Variants in SPP1 observed in about 807,000 individuals in gnomAD.
SPP1 encodes the protein osteopontin.
A neutral mutation model predicts 20.8 loss-of-function variants in SPP1; 18 were observed. The observed-to-expected ratio is 0.87, with a 90% CI of 0.60 to 1.29. The LOEUF (loss-of-function observed/expected upper bound fraction) is 1.29. SPP1 is among the 50% of genes most tolerant of loss of function. SPP1 has a pLI of 0.00. For synonymous variants in SPP1, 146 were observed against 141.5 expected, an observed-to-expected ratio of 1.03 and a Z score of -0.23; for missense variants, 363 against 389.0, an observed-to-expected ratio of 0.93 and a Z score of 0.56.
intron 1 of SPP1, among the ~76,000 whole-genome samples, chr4:87,976,673 C>T (rs1341701487): frequency 6.6e-6 from 1 of 151,960 alleles, no homozygotes; most frequent in Admixed American, 6.6e-5. Flanking sequence ...CTTTCCCTTG[C>T]CTAATAGTGA....
Position 87,982,479 on chromosome 4 carries a change from T to A in SPP1, c.541-13T>A, listed in dbSNP as rs1383279586. On this transcript the variant is annotated splice_polypyrimidine_tract_variant and intron_variant, in intron 6 of 6. Coordinates refer to ENST00000395080, the MANE Select transcript of SPP1 (RefSeq NM_001040058.2). Reference sequence around the variant, plus strand: ...CGTTCATATAATTATTCTTCATTTGTGCCGTGATTCAGTACCCTGATGCTA... The same window carrying A: ...CGTTCATATAATTATTCTTCATTTGAGCCGTGATTCAGTACCCTGATGCTA... The A allele has an allele frequency of 6.2e-7, 1 of 1,607,288 alleles. No individual in the cohort carries two copies. Among genetic ancestry groups the A allele is most frequent in the Non-Finnish European group, 8.5e-7 (1 of 1,175,224 alleles).
At position 87,982,757 on chromosome 4, in the gene SPP1, T is replaced by TCAGCCGTGAATTCCA. The variant is rs1725713349; in HGVS notation, c.812_826dup (p.Arg271_Ser275dup). The TCAGCCGTGAATTCCA allele has an allele frequency of 2.5e-6, 4 of 1,614,046 alleles. No homozygotes were observed. The highest frequency in any genetic ancestry group is 3.4e-6 in the Non-Finnish European group (4 of 1,180,042). ...ATTGATAGTCAGGAACTTTCCAAAG[T>TCAGCCGTGAATTCCA]CAGCCGTGAATTCCACAGCCATGAA... is the stretch of plus-strand genomic sequence containing the variant. On this transcript the variant is annotated inframe_insertion, in exon 7 of 7. Transcript: ENST00000395080.
rs761046284 is a variant in SPP1 at position 87,982,631 on chromosome 4, C to T, written c.680C>T (p.Thr227Met). 28 of 1,614,082 alleles carry T rather than the reference C, an allele frequency of 1.7e-5. No individual in the cohort carries two copies. In the Admixed American group the frequency reaches 3.2e-4, roughly 18 times the overall value. Reference protein sequence around the residue: ...WDSRGKDSYETSQLDDQSAET... With the variant: ...WDSRGKDSYEMSQLDDQSAET... Reference sequence around the variant, plus strand: ...AGCCGTGGGAAGGACAGTTATGAAACGAGTCAGCTGGATGACCAGAGTGCT... The same window carrying T: ...AGCCGTGGGAAGGACAGTTATGAAATGAGTCAGCTGGATGACCAGAGTGCT... Residue 227 changes from threonine to methionine, a missense_variant, in exon 7 of 7, where the codon ACG (threonine) becomes ATG (methionine). Transcript: ENST00000395080.
rs905785159 is a variant in SPP1 at position 87,979,110 on chromosome 4, T to G, written c.94-936T>G. 5.3e-5 allele frequency among the ~76,000 whole-genome samples: 8 copies of G among 152,236 alleles called. 1 individual carries two copies. The South Asian group carries it at 1.5e-3, about 28-fold the overall frequency. ...TGGCTGATAAGATACATATGGCTAT[T>G]GAGCACTCAAAATGTGGGCTAGTGC... is the stretch of plus-strand genomic sequence containing the variant. On this transcript the variant is annotated intron_variant, in intron 3 of 6. Transcript: ENST00000395080.
intron 3 of SPP1, among the ~76,000 whole-genome samples, 183 bp from the exon 4 acceptor site, chr4:87,979,863 C>A (rs1278625103): frequency 1.3e-5 from 2 of 151,672 alleles, no homozygotes; most frequent in African/African-American, 2.4e-5. Flanking sequence ...GAGTGCCTAG[C>A]CCACAGTAAG....
At chr4:87,975,918 C>T (rs556655766) in intron 1 of SPP1, 118 bp downstream of exon 1, 10 of 151,304 alleles carry the variant, frequency 6.6e-5, no homozygotes, top group African/African-American at 2.4e-4. Flanking sequence ...ATTTTCTAGC[C>T]TTTTTAATAA....
chr4:87,977,683 T>C, intron 3 of SPP1: 1 of 1,251,156 alleles, frequency 8.0e-7, no homozygotes, highest in Non-Finnish European at 1.0e-6. Context: ...TACCTACCCC[T>C]CCACAACAGA....
intron 3 of SPP1, among the ~76,000 whole-genome samples, chr4:87,979,022 C>T (rs917299720): frequency 1.3e-5 from 2 of 152,128 alleles, no homozygotes; most frequent in African/African-American, 2.4e-5. Flanking sequence ...ATTTCATTTA[C>T]ATCTTTGGCA....
chr4:87,981,883 C>T, intron 6 of SPP1, 85 bp downstream of exon 6: 2 of 1,142,762 alleles, frequency 1.8e-6, no homozygotes, highest in South Asian at 3.0e-5. Flanking sequence ...TTCATTCATT[C>T]ATCCATTCAT....
At chr4:87,979,945 T>G (rs1578102338) in intron 3 of SPP1, 101 bp from the exon 4 acceptor site, 3 of 1,149,922 alleles carry the variant, frequency 2.6e-6, no homozygotes, top group South Asian at 1.5e-5. Flanking sequence ...AGGGTCCGGG[T>G]GACTATATGC....
intron 3 of SPP1, chr4:87,977,791 A>G: frequency 1.6e-6 from 2 of 1,284,962 alleles, no homozygotes; most frequent in Non-Finnish European, 2.0e-6. Flanking sequence ...AATAAAGGCC[A>G]AAATAGAGCT....
Position 87,982,902 on chromosome 4 carries a change from G to A in SPP1, c.*6G>A, listed in dbSNP as rs1338204795. 6.4e-7 allele frequency: 1 copy of A among 1,569,666 alleles called. No individual in the cohort carries two copies. The highest frequency in any genetic ancestry group is 2.0e-5 in the Admixed American group (1 of 51,136). On this transcript the variant is annotated 3_prime_UTR_variant, in exon 7 of 7. Transcript: ENST00000395080. ...CATCTTCTGAGGTCAATTAAAAGGAGAAAAAATACAATTTCTCACTTTGCA... is the reference window on the plus strand; with the variant it reads ...CATCTTCTGAGGTCAATTAAAAGGAAAAAAAATACAATTTCTCACTTTGCA...
At chr4:87,980,924 AT>A (rs1171356942) in intron 5 of SPP1, among the ~76,000 whole-genome samples, 1 of 152,232 alleles carries the variant, frequency 6.6e-6, no homozygotes, top group Admixed American at 6.5e-5. Context: ...ATATTTGTCA[AT>A]TTGAAATTTG....
intron 3 of SPP1, chr4:87,977,877 G>A (rs1426501989): frequency 1.7e-6 from 2 of 1,172,500 alleles, no homozygotes; most frequent in Non-Finnish European, 2.2e-6. Flanking sequence ...TGTGTGTGGA[G>A]GGGTGTGTGT....
chr4:87,977,470 G>T (rs1725427075), intron 3 of SPP1, among the ~76,000 whole-genome samples: 1 of 152,086 alleles, frequency 6.6e-6, no homozygotes. Context: ...AATTCACATT[G>T]GATATTAGTC....
At chr4:87,981,423 A>T (rs1725634876) in intron 5 of SPP1, 52 bp from the exon 6 acceptor site, 2 of 1,511,162 alleles carry the variant, frequency 1.3e-6, no homozygotes, top group African/African-American at 1.4e-5. Context: ...TATAAAGGCT[A>T]AGGGAAAATA....
intron 6 of SPP1, 38 bp from the exon 7 acceptor site, chr4:87,982,454 C>T (rs780173497): frequency 1.8e-5 from 28 of 1,588,446 alleles, no homozygotes; most frequent in Non-Finnish European, 2.2e-5. Flanking sequence ...CATCCCTAGC[C>T]GTTCATATAA....
chr4:87,976,786 TTTTA>T, intron 1 of SPP1, 92 bp from the exon 2 acceptor site: 1 of 771,340 alleles, frequency 1.3e-6, no homozygotes, highest in South Asian at 2.2e-5. Context: ...AGAAAATATA[TTTTA>T]TTTGTGATCA....
At position 87,980,267 on chromosome 4, in the gene SPP1, C is replaced by T. The variant is rs1725588312; in HGVS notation, c.175-126C>T. ...TGACTGATCTGCCATGTTGGCTTCT[C>T]TCTGTGTTAAGCCATCCACAGATGA... On this transcript the variant is annotated intron_variant, in intron 4 of 6. Coordinates refer to ENST00000395080, the MANE Select transcript of SPP1 (RefSeq NM_001040058.2). 2.0e-6 allele frequency: 3 copies of T among 1,472,586 alleles called. No individual in the cohort carries two copies. In the East Asian group the frequency reaches 7.0e-5, roughly 34 times the overall value. The allele number at this position is 1,472,586 out of a possible 1,614,324, so 91.2% of individuals were successfully genotyped here.
Sources: allele counts gnomAD v4.1 joint callset (sites outside exome capture counted in the v4.1 genomes callset), GRCh38; gene constraint gnomAD v4.1.1; transcripts MANE v1.5; gene names NCBI Gene and HGNC (gene_info 2026-07-23, HGNC 2026-07-21).